Variants in OGDH observed in about 807,000 individuals in gnomAD.
OGDH encodes 2-oxoglutarate dehydrogenase complex component E1.
A neutral mutation model predicts 116.6 loss-of-function variants in OGDH; 38 were observed. The ratio of observed to expected loss-of-function variants is 0.33; its 90% confidence interval spans 0.25 to 0.43. The LOEUF (loss-of-function observed/expected upper bound fraction) is 0.43. Ranked by LOEUF, OGDH falls within the 20% of genes least tolerant of loss-of-function variation. The pLI is 1.00. For missense variants in OGDH, 825 were observed against 1,357.2 expected, an observed-to-expected ratio of 0.61 and a Z score of 6.16; for synonymous variants, 488 against 533.3, an observed-to-expected ratio of 0.92 and a Z score of 1.17.
chr7:44,697,602 A>G lies in OGDH; in HGVS notation c.2180-2A>G. Reference sequence around the variant, plus strand: ...GTTTTCTCCTTCCTTTGTCCCTTGTAGGCTTTGAGCTGGGCTTCGCCATGG... The same window carrying G: ...GTTTTCTCCTTCCTTTGTCCCTTGTGGGCTTTGAGCTGGGCTTCGCCATGG... On this transcript the variant is annotated splice_acceptor_variant, in intron 16 of 22. Coordinates refer to ENST00000222673, the MANE Select transcript of OGDH (RefSeq NM_002541.4). LOFTEE classifies it high-confidence loss of function. The surrounding 1 kb of genome is among the most constrained non-coding windows in gnomAD (Gnocchi z 6.0). 6.2e-7 allele frequency: 1 copy of G among 1,614,154 alleles called. No individual in the cohort carries two copies. Among genetic ancestry groups the G allele is most frequent in the Non-Finnish European group, 8.5e-7 (1 of 1,180,020 alleles).
chr7:44,672,622 G>T (rs1787511527), intron 5 of OGDH, among the ~76,000 whole-genome samples: 1 of 151,464 alleles, frequency 6.6e-6, no homozygotes, highest in South Asian at 2.1e-4. Flanking sequence ...GGCAGCCCGA[G>T]AGGGATTTCT....
At chr7:44,670,122 C>T (rs116926396) in intron 5 of OGDH, among the ~76,000 whole-genome samples, 2,346 of 151,814 alleles carry the variant, frequency 0.015, 30 homozygotes, top group Non-Finnish European at 0.02. Flanking sequence ...TCTAGTGGCC[C>T]GGTAACTACA....
intron 1 of OGDH, among the ~76,000 whole-genome samples, chr7:44,612,262 C>T (rs758551853): frequency 1.3e-5 from 2 of 152,158 alleles, no homozygotes; most frequent in Non-Finnish European, 1.5e-5. Context: ...ATCTTTGTGT[C>T]TATCCCATCA....
At chr7:44,653,901 C>T (rs1786568146) in intron 4 of OGDH, among the ~76,000 whole-genome samples, 1 of 151,980 alleles carries the variant, frequency 6.6e-6, no homozygotes, top group South Asian at 2.1e-4. Context: ...GTTGCCCAGG[C>T]TGGAGTGCAG....
At chr7:44,699,306 G>T (rs188555579) in intron 18 of OGDH, among the ~76,000 whole-genome samples, 1 of 150,252 alleles carries the variant, frequency 6.7e-6, no homozygotes, top group Non-Finnish European at 1.5e-5. Flanking sequence ...GGCACCTGTA[G>T]TCCCAACTAC....
At position 44,708,149 on chromosome 7, in the gene OGDH, C is replaced by T; in HGVS notation, c.*150C>T. 9.1e-7 allele frequency: 1 copy of T among 1,104,568 alleles called. No individual in the cohort carries two copies. Among genetic ancestry groups the T allele is most frequent in the South Asian group, 1.6e-5 (1 of 64,092 alleles). 68.4% of individuals were successfully genotyped at this position (1,104,568 alleles called of 1,614,324 possible). ...TCCCTCTGCTCTCATAGGAGTTAGGCTGTCGTCCCCCTCCAGTGCTTGGCT... is the reference window on the plus strand; with the variant it reads ...TCCCTCTGCTCTCATAGGAGTTAGGTTGTCGTCCCCCTCCAGTGCTTGGCT... On this transcript the variant is annotated 3_prime_UTR_variant, in exon 23 of 23. Transcript: ENST00000222673.
chr7:44,697,698 C>T lies in OGDH; in HGVS notation c.2274C>T (p.Ile758=), dbSNP rs761146861. 7.4e-6 allele frequency: 12 copies of T among 1,614,136 alleles called. No individual in the cohort carries two copies. Among genetic ancestry groups the T allele is most frequent in the South Asian group, 2.2e-5 (2 of 91,090 alleles). ...TCCACAACACGGCCCAGTGTATCAT[C>T]GACCAGTTCATCTGCCCGGGACAAG... ...GDFHNTAQCI[I]DQFICPGQAK... is the part of the protein sequence containing the mutation. The change falls in exon 17 of 23, where the codon ATC becomes ATT. Residue 758 remains isoleucine (I), a synonymous_variant. Coordinates refer to ENST00000222673, the MANE Select transcript of OGDH (RefSeq NM_002541.4). The surrounding 1 kb of genome is among the most constrained non-coding windows in gnomAD (Gnocchi z 6.0).
chr7:44,673,176 G>A (rs1345786966), intron 5 of OGDH, among the ~76,000 whole-genome samples: 1 of 152,020 alleles, frequency 6.6e-6, no homozygotes, highest in Non-Finnish European at 1.5e-5. Flanking sequence ...GACCAGCCTG[G>A]GTAACATAGT....
At chr7:44,662,889 A>G (rs1043447340) in intron 4 of OGDH, among the ~76,000 whole-genome samples, 1 of 148,070 alleles carries the variant, frequency 6.8e-6, no homozygotes, top group African/African-American at 2.6e-5. Flanking sequence ...ATTGTTTTTC[A>G]GAAGTTTAAT....
rs1789207376 is a variant in OGDH at position 44,708,952 on chromosome 7, C to T, written c.*953C>T. 1 of 151,958 alleles carries T rather than the reference C, an allele frequency of 6.6e-6. No homozygotes were observed. 9.4% of individuals were successfully genotyped at this position (151,958 alleles called of 1,614,324 possible). A position where few individuals can be genotyped will look rare whatever the true frequency, so the allele number is the denominator to read the frequency against. On this transcript the variant is annotated 3_prime_UTR_variant, in exon 23 of 23. Coordinates refer to ENST00000222673, the MANE Select transcript of OGDH (RefSeq NM_002541.4). ...GGGGCCAGCTGCCCCTCATTTATCA[C>T]TCTGACCTTCACAGGGACAGATCTG...
At chr7:44,607,618 G>A (rs1288827636) in intron 1 of OGDH, among the ~76,000 whole-genome samples, 1 of 152,192 alleles carries the variant, frequency 6.6e-6, no homozygotes, top group African/African-American at 2.4e-5. Flanking sequence ...AGACCTAGGA[G>A]AGTATGTAAC....
intron 20 of OGDH, among the ~76,000 whole-genome samples, chr7:44,702,042 G>T (rs182362176): frequency 1.3e-5 from 2 of 149,690 alleles, no homozygotes; most frequent in Non-Finnish European, 3.0e-5. Flanking sequence ...TTGCACTCCA[G>T]CCTGGGCAAT....
At chr7:44,665,489 C>T (rs1181455494) in intron 4 of OGDH, among the ~76,000 whole-genome samples, 2 of 152,178 alleles carry the variant, frequency 1.3e-5, no homozygotes, top group East Asian at 3.8e-4. Context: ...TGGGCCCACC[C>T]TGAGACTCAC....
intron 10 of OGDH, among the ~76,000 whole-genome samples, chr7:44,684,344 A>C (rs530613438): frequency 6.6e-6 from 1 of 152,326 alleles, no homozygotes; most frequent in Admixed American, 6.5e-5. Flanking sequence ...AAACACATGC[A>C]GCTGTCTCAG....
At chr7:44,661,284 A>G (rs1355317674) in intron 4 of OGDH, among the ~76,000 whole-genome samples, 1 of 152,150 alleles carries the variant, frequency 6.6e-6, no homozygotes, top group African/African-American at 2.4e-5. Flanking sequence ...CTTACATTTG[A>G]TTAATGTTTA....
intron 4 of OGDH, among the ~76,000 whole-genome samples, chr7:44,662,603 C>T (rs559774385): frequency 8.5e-5 from 13 of 152,064 alleles, no homozygotes; most frequent in African/African-American, 2.4e-4. Flanking sequence ...GCTGGGATTA[C>T]AGGCACGCAC....
chr7:44,638,051 C>T (rs967955203), intron 2 of OGDH, among the ~76,000 whole-genome samples: 2 of 152,186 alleles, frequency 1.3e-5, no homozygotes, highest in African/African-American at 4.8e-5. Flanking sequence ...TACAACCTTG[C>T]CCACTTACCT....
chr7:44,661,759 A>G (rs1402811408), intron 4 of OGDH, among the ~76,000 whole-genome samples: 2 of 151,550 alleles, frequency 1.3e-5, no homozygotes, highest in African/African-American at 4.9e-5. Flanking sequence ...CTGCCACCAC[A>G]CCCAGATAAT....
intron 4 of OGDH, among the ~76,000 whole-genome samples, chr7:44,648,133 C>T (rs1377843820): frequency 6.6e-6 from 1 of 152,182 alleles, no homozygotes; most frequent in Non-Finnish European, 1.5e-5. Flanking sequence ...TGAGGCCTTG[C>T]TCAGGAACTG....
Sources: gnomAD v4.1 joint callset for allele counts (sites outside exome capture counted in the v4.1 genomes callset) on GRCh38, gnomAD v4.1.1 for gene constraint, Gnocchi (gnomAD v3.1) non-coding constraint, MANE v1.5 for transcripts, NCBI Gene and HGNC (gene_info 2026-07-23, HGNC 2026-07-21) for gene names.